CACNA2D3: variants seen among roughly 807,000 people sequenced by gnomAD.
CACNA2D3 encodes calcium voltage-gated channel auxiliary subunit alpha2delta 3.
CACNA2D3 carries 60 observed loss-of-function variants against 160.6 expected under a neutral mutation model. The observed-to-expected ratio is 0.37, with a 90% confidence interval of 0.30 to 0.46. CACNA2D3 has a LOEUF of 0.46. Ranked by LOEUF, CACNA2D3 falls within the 20% of genes least tolerant of loss-of-function variation. The probability of loss-of-function intolerance (pLI) is 1.00; values close to 1 mark genes in which losing one functional copy is unlikely to be tolerated. For missense variants in CACNA2D3, 1,205 were observed against 1,365.0 expected, an observed-to-expected ratio of 0.88 and a Z score of 1.85; for synonymous variants, 558 against 492.9, an observed-to-expected ratio of 1.13 and a Z score of -1.75.
At chr3:54,149,923 CTCTCTCTCCCT>C (rs1700111171) in intron 2 of CACNA2D3, among the ~76,000 whole-genome samples, 1 of 69,954 alleles carries the variant, frequency 1.4e-5, no homozygotes, top group South Asian at 7.0e-4. Context: ...CTCTCTCTCT[CTCTCTCTCCCT>C]CCCTCCCTCC....
intron 14 of CACNA2D3, among the ~76,000 whole-genome samples, chr3:54,836,230 TTTTTTTTTTTTG>T (rs1174080821): frequency 2.1e-4 from 26 of 123,164 alleles, no homozygotes; most frequent in African/African-American, 7.1e-4. Context: ...TTTTTTCTTT[TTTTTTTTTTTTG>T]TTTTTGTTTT....
chr3:54,224,399 G>A (rs941528019), intron 2 of CACNA2D3, among the ~76,000 whole-genome samples: 12 of 151,978 alleles, frequency 7.9e-5, no homozygotes, highest in African/African-American at 2.4e-4. Context: ...TGTACTGTAC[G>A]TAACTATATG....
chr3:54,688,176 T>A lies in CACNA2D3; in HGVS notation c.1167+45935T>A, dbSNP rs191918057. Among the ~76,000 whole-genome samples, 300 of 152,320 alleles carry A rather than the reference T, an allele frequency of 2.0e-3. 1 individual carries two copies. The highest frequency in any genetic ancestry group is 6.6e-3 in the African/African-American group (273 of 41,570). On this transcript the variant is annotated intron_variant, in intron 11 of 37. Transcript: ENST00000474759. ...CAGGTGAATAGCAAACATGACTCTT[T>A]GTCCCCAAGAGCATGAAGCTCTTAT... is the stretch of plus-strand genomic sequence containing the variant.
At chr3:55,017,141 A>G (rs930771891) in intron 34 of CACNA2D3, among the ~76,000 whole-genome samples, 6 of 152,252 alleles carry the variant, frequency 3.9e-5, no homozygotes, top group South Asian at 2.1e-4. Context: ...TACAAAAACA[A>G]TAGCTGAAGG....
chr3:54,725,944 A>G (rs981757695), intron 11 of CACNA2D3, among the ~76,000 whole-genome samples: 1 of 152,156 alleles, frequency 6.6e-6, no homozygotes, highest in African/African-American at 2.4e-5. Context: ...AATAAAGGGT[A>G]TTCATATAGG....
chr3:54,475,785 T>C (rs1700818058), intron 4 of CACNA2D3, among the ~76,000 whole-genome samples: 1 of 129,754 alleles, frequency 7.7e-6, no homozygotes, highest in Admixed American at 8.0e-5. Context: ...AAATAACATA[T>C]CCATCTTCTC....
intron 3 of CACNA2D3, among the ~76,000 whole-genome samples, chr3:54,323,667 T>C (rs1037553830): frequency 2.0e-5 from 3 of 152,086 alleles, no homozygotes; most frequent in South Asian, 2.1e-4. Context: ...GGGGTTTCAC[T>C]GTGTTAGCCA....
intron 27 of CACNA2D3, among the ~76,000 whole-genome samples, chr3:54,904,891 A>C (rs576141763): frequency 1.8e-4 from 27 of 152,214 alleles, no homozygotes; most frequent in Non-Finnish European, 2.6e-4. Context: ...CAATATGAAT[A>C]TTTTAAGGAA....
intron 13 of CACNA2D3, among the ~76,000 whole-genome samples, chr3:54,792,127 G>C (rs942053049): frequency 6.6e-6 from 1 of 152,216 alleles, no homozygotes; most frequent in Non-Finnish European, 1.5e-5. Flanking sequence ...CCTGGAGAGT[G>C]TGACACCTGA....
chr3:54,549,797 G>C lies in CACNA2D3; in HGVS notation c.545-13003G>C, dbSNP rs190972758. ...CAGGGTACCTGCTAGCCTCGGGGCT[G>C]TGTTTATATTAAATATCAATAAAAA... On this transcript the variant is annotated intron_variant, in intron 5 of 37. Coordinates refer to ENST00000474759, the MANE Select transcript of CACNA2D3 (RefSeq NM_018398.3). Among the ~76,000 whole-genome samples, 17 of 152,330 alleles carry C rather than the reference G, an allele frequency of 1.1e-4. No homozygotes were observed. The East Asian group carries it at 3.3e-3, about 29-fold the overall frequency.
rs1559628939 is a variant in CACNA2D3, at chr3:54,918,818, C to G, written c.2449+18950C>G. The stretch of plus-strand genomic sequence containing the variant: ...GGAAGAGGGCAGGGCTGGTACAGCT[C>G]ATGAGGGATCCTAAGGAGGTCCTTT... On this transcript the variant is annotated intron_variant, in intron 27 of 37. Coordinates refer to ENST00000474759, the MANE Select transcript of CACNA2D3 (RefSeq NM_018398.3). 3.7e-6 allele frequency: 6 copies of G among 1,610,796 alleles called. No individual in the cohort carries two copies. In the South Asian group the frequency reaches 6.6e-5, roughly 18 times the overall value.
In CACNA2D3 at chr3:54,581,103, G is replaced by C. The variant is rs541548192; in HGVS notation, c.889-700G>C. On this transcript the variant is annotated intron_variant, in intron 8 of 37. Coordinates refer to ENST00000474759, the MANE Select transcript of CACNA2D3 (RefSeq NM_018398.3). ...GAATAGGATTGACAAGAGGCAACAC[G>C]ATCAGATGTGTAAGGACCGGCCTCC... 4.7e-4 allele frequency among the ~76,000 whole-genome samples: 71 copies of C among 152,302 alleles called. No individual in the cohort carries two copies. In the South Asian group the frequency reaches 0.015, roughly 32 times the overall value.
intron 27 of CACNA2D3, among the ~76,000 whole-genome samples, chr3:54,935,719 A>C (rs1701311693): frequency 6.6e-6 from 1 of 152,200 alleles, no homozygotes; most frequent in East Asian, 1.9e-4. Flanking sequence ...AGTTTCTGTA[A>C]TAGATTACAA....
intron 11 of CACNA2D3, among the ~76,000 whole-genome samples, chr3:54,653,323 G>T (rs1013842848): frequency 4.6e-5 from 7 of 152,104 alleles, no homozygotes; most frequent in African/African-American, 1.7e-4. Context: ...GGTCTCTTGG[G>T]TGCTGACATT....
At chr3:54,827,583 C>G (rs9860701) in intron 14 of CACNA2D3, among the ~76,000 whole-genome samples, 2 of 152,092 alleles carry the variant, frequency 1.3e-5, no homozygotes, top group Non-Finnish European at 2.9e-5. Context: ...ATCAGCTGGA[C>G]GTTGTGCACC....
intron 27 of CACNA2D3, among the ~76,000 whole-genome samples, chr3:54,909,643 A>ATTTTTTTT (rs759615370): frequency 8.1e-6 from 1 of 123,856 alleles, no homozygotes; most frequent in African/African-American, 3.0e-5. Context: ...TTTTTTTGTG[A>ATTTTTTTT]TTTTTTTTTT....
intron 5 of CACNA2D3, among the ~76,000 whole-genome samples, chr3:54,561,743 G>A (rs1702328483): frequency 6.6e-6 from 1 of 152,130 alleles, no homozygotes; most frequent in Admixed American, 6.5e-5. Context: ...ATGATTGCCT[G>A]GTATCTGGAG....
chr3:54,519,699 C>A (rs1308007831), intron 5 of CACNA2D3, among the ~76,000 whole-genome samples: 2 of 152,190 alleles, frequency 1.3e-5, no homozygotes, highest in East Asian at 3.8e-4. Flanking sequence ...CCATTCCAGG[C>A]CTGTGGCATA....
chr3:55,006,353 C>G (rs959884538), intron 32 of CACNA2D3, among the ~76,000 whole-genome samples: 1 of 152,164 alleles, frequency 6.6e-6, no homozygotes, highest in African/African-American at 2.4e-5. Flanking sequence ...CTCTTTCCCC[C>G]GCAACCTCCA....
Sources: allele counts gnomAD v4.1 joint callset (sites outside exome capture counted in the v4.1 genomes callset), GRCh38; gene constraint gnomAD v4.1.1; transcripts MANE v1.5; gene names NCBI Gene and HGNC (gene_info 2026-07-23, HGNC 2026-07-21).